The following SNTB1 variants were observed in gnomAD, a reference collection of about 807,000 sequenced individuals.
SNTB1 encodes the protein syntrophin beta 1.
SNTB1 carries 36 observed loss-of-function variants against 48.9 expected under a neutral mutation model. The observed-to-expected ratio is 0.74, with a 90% CI of 0.56 to 0.97. The LOEUF (loss-of-function observed/expected upper bound fraction) is 0.97, where lower values mean the gene tolerates loss of function less well. Among genes scored for constraint, SNTB1 ranks in the 50% least tolerant of loss-of-function variants. The pLI, the probability that SNTB1 is intolerant of heterozygous loss-of-function variation, is 0.00. For missense variants in SNTB1, 786 were observed against 703.4 expected (o/e 1.12, Z -1.33); for synonymous variants, 299 against 294.6 (o/e 1.01, Z -0.15).
At chr8:120,695,225 C>T (rs534789654) in intron 1 of SNTB1, among the ~76,000 whole-genome samples, 8 of 152,306 alleles carry the variant, frequency 5.3e-5, no homozygotes, top group Admixed American at 2.6e-4. Context: ...GGGGCATTTC[C>T]TCCAGATCTT....
chr8:120,801,086 C>A (rs1820218084), intron 1 of SNTB1, among the ~76,000 whole-genome samples: 1 of 151,810 alleles, frequency 6.6e-6, no homozygotes, highest in South Asian at 2.1e-4. Context: ...ATGCTGTAAT[C>A]ATATGTTATT....
intron 4 of SNTB1, among the ~76,000 whole-genome samples, chr8:120,552,483 G>A (rs566141039): frequency 2.6e-5 from 4 of 152,280 alleles, no homozygotes; most frequent in South Asian, 4.1e-4. Flanking sequence ...TCAGCCTCCC[G>A]AGTAGCTGGG....
At chr8:120,573,867 C>T (rs1182860263) in intron 4 of SNTB1, among the ~76,000 whole-genome samples, 1 of 152,168 alleles carries the variant, frequency 6.6e-6, no homozygotes, top group African/African-American at 2.4e-5. Context: ...TTTGGGCTCT[C>T]CAATCTGTTC....
chr8:120,686,516 A>T (rs912957140), intron 2 of SNTB1, among the ~76,000 whole-genome samples: 10 of 151,836 alleles, frequency 6.6e-5, no homozygotes, highest in Admixed American at 5.2e-4. Flanking sequence ...TATTAACCTC[A>T]TGACCTAACT....
intron 1 of SNTB1, chr8:120,769,275 T>C (rs1819579333): frequency 6.6e-6 from 1 of 152,214 alleles, no homozygotes; most frequent in East Asian, 1.9e-4. Flanking sequence ...ATATCCTTTT[T>C]TCAAGCAGAT....
chr8:120,635,899 C>A, intron 2 of SNTB1: 4 of 418,504 alleles, frequency 9.6e-6, no homozygotes, highest in South Asian at 9.1e-5. Context: ...TCAGGCTGGT[C>A]ACCAAATTCT....
At chr8:120,639,896 T>G (rs1325792695) in intron 2 of SNTB1, among the ~76,000 whole-genome samples, 1 of 152,164 alleles carries the variant, frequency 6.6e-6, no homozygotes, top group East Asian at 1.9e-4. Context: ...TTAAAGTAGT[T>G]TTTTTCAATT....
chr8:120,811,258 C>T lies in SNTB1; in HGVS notation c.571+15G>A, dbSNP rs761879449. 1 of 1,576,810 alleles carries T rather than the reference C, an allele frequency of 6.3e-7. No individual in the cohort carries two copies. Among genetic ancestry groups the T allele is most frequent in the South Asian group, 1.2e-5 (1 of 86,884 alleles). On this transcript the variant is annotated intron_variant, in intron 1 of 6. Coordinates refer to ENST00000517992, the MANE Select transcript of SNTB1 (RefSeq NM_021021.4). The stretch of plus-strand genomic sequence containing the variant: ...GTGCGCGCCCGGCGCGGCCCGCGCG[C>T]TGTTAACCCCTTACCTTCCAGCAGC...
intron 3 of SNTB1, among the ~76,000 whole-genome samples, chr8:120,607,679 C>T (rs555280639): frequency 6.6e-6 from 1 of 152,110 alleles, no homozygotes; most frequent in Admixed American, 6.5e-5. Context: ...GCCACTGATG[C>T]AAGAAAAAGA....
At chr8:120,651,415 C>G (rs963154643) in intron 2 of SNTB1, among the ~76,000 whole-genome samples, 9 of 152,184 alleles carry the variant, frequency 5.9e-5, no homozygotes, top group Non-Finnish European at 1.3e-4. Flanking sequence ...CAAAAAAGAG[C>G]TATATGAGGT....
At chr8:120,790,955 C>A (rs1486534654) in intron 1 of SNTB1, among the ~76,000 whole-genome samples, 3 of 151,674 alleles carry the variant, frequency 2.0e-5, no homozygotes, top group Non-Finnish European at 4.4e-5. Context: ...GCAAAAAGAA[C>A]AAATCTGGAG....
chr8:120,680,986 C>T (rs1817921372), intron 2 of SNTB1, among the ~76,000 whole-genome samples: 1 of 152,140 alleles, frequency 6.6e-6, no homozygotes, highest in Non-Finnish European at 1.5e-5. Context: ...TCAACTCTTT[C>T]TTAAGGTAAA....
At chr8:120,553,006 A>G (rs1815507004) in intron 4 of SNTB1, among the ~76,000 whole-genome samples, 1 of 152,132 alleles carries the variant, frequency 6.6e-6, no homozygotes, top group African/African-American at 2.4e-5. Context: ...GACAGGAGGC[A>G]GAGCTCAGGC....
At chr8:120,566,441 G>A (rs542830927) in intron 4 of SNTB1, among the ~76,000 whole-genome samples, 7 of 151,204 alleles carry the variant, frequency 4.6e-5, no homozygotes, top group East Asian at 1.9e-4. Flanking sequence ...CTATGGAACC[G>A]AGAACACGAC....
chr8:120,764,222 A>G lies in SNTB1; in HGVS notation c.571+47051T>C, dbSNP rs1375443044. Among the ~76,000 whole-genome samples, 7 of 152,334 alleles carry G rather than the reference A, an allele frequency of 4.6e-5. No individual in the cohort carries two copies. The East Asian group carries it at 1.4e-3, about 29-fold the overall frequency. On this transcript the variant is annotated intron_variant, in intron 1 of 6. Transcript: ENST00000517992. ...ATACAGTTCATCAAGAGAATAAATA[A>G]TGGTATATCCATGCAATGATATACT...
chr8:120,806,738 A>C (rs1820342671), intron 1 of SNTB1, among the ~76,000 whole-genome samples: 1 of 152,198 alleles, frequency 6.6e-6, no homozygotes, highest in Non-Finnish European at 1.5e-5. Context: ...TTTCTTGTAA[A>C]AGTGAAACTA....
chr8:120,786,033 C>T (rs1325058352), intron 1 of SNTB1, among the ~76,000 whole-genome samples: 3 of 152,190 alleles, frequency 2.0e-5, no homozygotes, highest in African/African-American at 4.8e-5. Context: ...AAGGAAATCT[C>T]ACACAATCTA....
intron 5 of SNTB1, 38 bp downstream of exon 5, chr8:120,548,724 G>C (rs753124781): frequency 6.3e-7 from 1 of 1,595,246 alleles, no homozygotes; most frequent in Non-Finnish European, 8.6e-7. Flanking sequence ...TCATCTTCCC[G>C]TAACAATGTG....
chr8:120,797,546 C>CAT (rs1820140485), intron 1 of SNTB1, among the ~76,000 whole-genome samples: 2 of 69,088 alleles, frequency 2.9e-5, no homozygotes, highest in Non-Finnish European at 5.1e-5. Context: ...ACTTGTTTCT[C>CAT]TTTTTTTTTT....
Sources: allele counts gnomAD v4.1 joint callset (sites outside exome capture counted in the v4.1 genomes callset), GRCh38; gene constraint gnomAD v4.1.1; transcripts MANE v1.5; gene names NCBI Gene and HGNC (gene_info 2026-07-23, HGNC 2026-07-21).